The following PWWP2A variants were observed in gnomAD, a reference collection of about 807,000 sequenced individuals.
The protein encoded by PWWP2A is PWWP domain containing 2A.
In PWWP2A, 18 loss-of-function variants were observed where a neutral mutation model predicts 48.5. That is an observed-to-expected ratio of 0.37 (90% CI 0.26 to 0.55). The LOEUF (loss-of-function observed/expected upper bound fraction) is 0.55. Ranked by LOEUF, PWWP2A falls within the 20% of genes least tolerant of loss-of-function variation. The probability of loss-of-function intolerance (pLI) is 0.81; values close to 1 mark genes in which losing one functional copy is unlikely to be tolerated. For synonymous variants in PWWP2A, 396 were observed against 387.7 expected, an observed-to-expected ratio of 1.02 and a Z score of -0.25; for missense variants, 867 against 976.4, an observed-to-expected ratio of 0.89 and a Z score of 1.49.
downstream of PWWP2A, chr5:160,091,262 TCTAA>T (rs1452349412): frequency 4.1e-6 from 4 of 976,464 alleles, no homozygotes; most frequent in African/African-American, 7.0e-5. Context: ...TTTCATCTCT[TCTAA>T]ACACTCTTAC....
chr5:160,116,753 T>C, intron 1 of PWWP2A: 1 of 985,360 alleles, frequency 1.0e-6, no homozygotes, highest in Non-Finnish European at 1.2e-6. Flanking sequence ...CCATCTCTTC[T>C]GTTTCATTCA....
chr5:160,080,029 C>CT (rs1395980961), intron 3 of PWWP2A, among the ~76,000 whole-genome samples: 2 of 152,190 alleles, frequency 1.3e-5, no homozygotes, highest in Non-Finnish European at 2.9e-5. Context: ...TTTTCCTACC[C>CT]TATAAGGGCC....
At chr5:160,104,511 T>C (rs1278535087) in intron 1 of PWWP2A, among the ~76,000 whole-genome samples, 1 of 151,956 alleles carries the variant, frequency 6.6e-6, no homozygotes, top group African/African-American at 2.4e-5. Flanking sequence ...AATTACTTTG[T>C]TAAAAACGTG....
At chr5:160,095,638 A>T (rs1179898612) in intron 1 of PWWP2A, among the ~76,000 whole-genome samples, 2 of 149,086 alleles carry the variant, frequency 1.3e-5, no homozygotes, top group Non-Finnish European at 3.0e-5. Flanking sequence ...ATATATGTCT[A>T]TATTTTCTAC....
intron 1 of PWWP2A, among the ~76,000 whole-genome samples, chr5:160,112,139 AAAAAAAGG>A (rs1213348256): frequency 6.6e-6 from 1 of 151,094 alleles, no homozygotes; most frequent in East Asian, 1.9e-4. Flanking sequence ...AAAAAAAAAA[AAAAAAAGG>A]AAAAAAAGAA....
chr5:160,046,751 C>G, the PWWP2A span, among the ~76,000 whole-genome samples: 21 of 152,136 alleles, frequency 1.4e-4, no homozygotes, highest in Non-Finnish European at 2.4e-4. Context: ...CAGTGGCTCA[C>G]GCCTGTAATC....
At chr5:160,088,783 A>T (rs1165896046), downstream of PWWP2A, among the ~76,000 whole-genome samples, 4 of 152,212 alleles carry the variant, frequency 2.6e-5, no homozygotes, top group Admixed American at 2.0e-4. Context: ...AGCACAAACC[A>T]TAGAAAATTA....
chr5:160,045,896 C>A, the PWWP2A span, among the ~76,000 whole-genome samples: 1 of 152,188 alleles, frequency 6.6e-6, no homozygotes, highest in Admixed American at 6.5e-5. Flanking sequence ...GCGCATGCCA[C>A]CATGCCCGGC....
chr5:160,066,684 G>A (rs992738247), intron 3 of PWWP2A: 2 of 152,062 alleles, frequency 1.3e-5, no homozygotes, highest in African/African-American at 2.4e-5. Context: ...TAAAAATTAA[G>A]ATAGAAAGTG....
chr5:160,118,756 C>T, intron 1 of PWWP2A, 49 bp downstream of exon 1: 1 of 1,373,904 alleles, frequency 7.3e-7, no homozygotes, highest in Non-Finnish European at 9.4e-7. Flanking sequence ...GGCTCACTCC[C>T]TCCCTGGGGA....
At chr5:160,090,194 A>G (rs1754952797), downstream of PWWP2A, 1 of 984,634 alleles carries the variant, frequency 1.0e-6, no homozygotes. Context: ...CTCTTTCCCC[A>G]TGGCTTCTGA....
the PWWP2A span, chr5:160,049,714 C>T: frequency 3.0e-6 from 4 of 1,354,664 alleles, no homozygotes; most frequent in Non-Finnish European, 3.9e-6. Context: ...TGTGTTGCTA[C>T]CCAGTGAGTC....
Position 160,104,122 on chromosome 5 carries a change from C to CAAAAAA in PWWP2A, c.585-10063_585-10058dup, listed in dbSNP as rs70990703. Among the ~76,000 whole-genome samples, 566 of 61,738 alleles carry CAAAAAA rather than the reference C, an allele frequency of 9.2e-3. 51 individuals carry two copies. Among genetic ancestry groups the CAAAAAA allele is most frequent in the Middle Eastern group, 0.056 (3 of 54 alleles). The allele number at this position is 61,738 out of a possible 152,430, so 40.5% of individuals were successfully genotyped here. A position where few individuals can be genotyped will look rare whatever the true frequency, so the allele number is the denominator to read the frequency against. On this transcript the variant is annotated intron_variant, in intron 1 of 1. Coordinates refer to ENST00000307063, the MANE Select transcript of PWWP2A (RefSeq NM_001130864.2). ...TGGGCAACAGAGTGAGACTCTGTCT[C>CAAAAAA]AAAAAAAAAAAAAAAAAAGAAATGA...
At chr5:160,088,250 A>C (rs1237316057), downstream of PWWP2A, among the ~76,000 whole-genome samples, 5 of 152,018 alleles carry the variant, frequency 3.3e-5, no homozygotes, top group Admixed American at 6.6e-5. Flanking sequence ...TTTTTGGGAG[A>C]GTCTCACTCT....
downstream of PWWP2A, chr5:160,089,730 T>C (rs1379803252): frequency 2.4e-6 from 3 of 1,236,890 alleles, no homozygotes; most frequent in East Asian, 5.9e-5. Context: ...GGCCAATCCT[T>C]TGTTTTAGCC....
chr5:160,073,004 C>CAA (rs35836307), downstream of PWWP2A, among the ~76,000 whole-genome samples: 225 of 58,852 alleles, frequency 3.8e-3, no homozygotes, highest in African/African-American at 8.4e-3. Context: ...GGCTCCGTCT[C>CAA]AAAAAAAAAA....
intron 5 of PWWP2A, among the ~76,000 whole-genome samples, chr5:160,063,211 G>A (rs935115307): frequency 6.6e-6 from 1 of 152,286 alleles, no homozygotes; most frequent in South Asian, 2.1e-4. Flanking sequence ...AGTTATTAGG[G>A]AGGCCTGTAA....
chr5:160,070,406 G>C (rs1427202529), intron 2 of PWWP2A, among the ~76,000 whole-genome samples: 2 of 152,114 alleles, frequency 1.3e-5, no homozygotes, highest in Non-Finnish European at 2.9e-5. Flanking sequence ...CCAGGAGTTT[G>C]AGGCTGCAGT....
chr5:160,047,998 C>CT, the PWWP2A span, among the ~76,000 whole-genome samples: 1 of 152,000 alleles, frequency 6.6e-6, no homozygotes, highest in Admixed American at 6.6e-5. Context: ...TTGTTTCCCA[C>CT]TATAGCCCAG....
Sources: allele counts gnomAD v4.1 joint callset (sites outside exome capture counted in the v4.1 genomes callset), GRCh38; gene constraint gnomAD v4.1.1; transcripts MANE v1.5; gene names NCBI Gene and HGNC (gene_info 2026-07-23, HGNC 2026-07-21).